DLG2: variants seen among roughly 807,000 people sequenced by gnomAD.
DLG2 encodes the protein discs large MAGUK scaffold protein 2, also known as disks large homolog 2.
DLG2 carries 45 observed loss-of-function variants against 132.5 expected under a neutral mutation model. The ratio of observed to expected loss-of-function variants is 0.34; its 90% CI spans 0.27 to 0.44. The LOEUF is 0.44. DLG2 is among the 20% of genes least tolerant of loss of function. The pLI, the probability that DLG2 is intolerant of heterozygous loss-of-function variation, is 1.00. For missense variants in DLG2, 1,045 were observed against 1,196.9 expected (o/e 0.87, Z 1.87); for synonymous variants, 424 against 419.6 (o/e 1.01, Z -0.13).
chr11:85,082,675 C>G (rs1210854821), intron 6 of DLG2, among the ~76,000 whole-genome samples: 1 of 145,182 alleles, frequency 6.9e-6, no homozygotes, highest in Non-Finnish European at 1.5e-5. Flanking sequence ...ATTAAAAAAA[C>G]AATTTTTTTG....
intron 18 of DLG2, among the ~76,000 whole-genome samples, chr11:83,712,108 T>A (rs775788251): frequency 5.3e-5 from 8 of 152,330 alleles, no homozygotes; most frequent in Non-Finnish European, 1.0e-4. Flanking sequence ...TAGTGATTCC[T>A]CAAAGACCTA....
At chr11:84,001,235 A>T (rs1371823808) in intron 11 of DLG2, among the ~76,000 whole-genome samples, 1 of 151,926 alleles carries the variant, frequency 6.6e-6, no homozygotes, top group African/African-American at 2.4e-5. Flanking sequence ...GACACAAAAT[A>T]AAGGGATGAA....
chr11:84,532,788 G>C (rs571162496), intron 7 of DLG2, among the ~76,000 whole-genome samples: 1 of 152,134 alleles, frequency 6.6e-6, no homozygotes, highest in Non-Finnish European at 1.5e-5. Flanking sequence ...GGGCCACTGT[G>C]CTTGATCTAT....
chr11:84,634,678 A>T (rs1405999974), intron 6 of DLG2, among the ~76,000 whole-genome samples: 1 of 152,240 alleles, frequency 6.6e-6, no homozygotes, highest in Non-Finnish European at 1.5e-5. Context: ...TTGCTCAATT[A>T]AACTTTGTTA....
chr11:83,748,841 C>G lies in DLG2; in HGVS notation c.1825+37849G>C, dbSNP rs372617991. Among the ~76,000 whole-genome samples, 11 of 152,316 alleles carry G rather than the reference C, an allele frequency of 7.2e-5. No individual in the cohort carries two copies. In the East Asian group the frequency reaches 2.1e-3, roughly 29 times the overall value. On this transcript the variant is annotated intron_variant, in intron 18 of 27. Coordinates refer to ENST00000376104, the MANE Select transcript of DLG2 (RefSeq NM_001142699.3). ...AAATCTCTACTACTTTGTTCCCCTC[C>G]ATTTCCCAGAAAAGCAGAAGTAGCA...
At chr11:83,909,985 AG>A (rs2075768253) in intron 15 of DLG2, among the ~76,000 whole-genome samples, 1 of 152,144 alleles carries the variant, frequency 6.6e-6, no homozygotes, top group Non-Finnish European at 1.5e-5. Context: ...TGCTATCTGA[AG>A]ATGTGGGAGA....
chr11:83,675,481 A>T (rs1319763031), intron 18 of DLG2, among the ~76,000 whole-genome samples: 1 of 152,264 alleles, frequency 6.6e-6, no homozygotes, highest in African/African-American at 2.4e-5. Context: ...GTTTAATCAG[A>T]AGTAAAAAGG....
At chr11:85,489,924 T>G (rs286521) in intron 3 of DLG2, among the ~76,000 whole-genome samples, 135,381 of 152,068 alleles carry the variant, frequency 0.89, 60,515 homozygotes, top group African/African-American at 0.91. Flanking sequence ...TTTTTTCTTG[T>G]CCAGGTGTGG....
At chr11:84,562,736 T>G (rs2099431236) in intron 6 of DLG2, among the ~76,000 whole-genome samples, 1 of 151,786 alleles carries the variant, frequency 6.6e-6, no homozygotes, top group Non-Finnish European at 1.5e-5. Flanking sequence ...TACCTCTTTT[T>G]CTTTCTTTCT....
intron 18 of DLG2, among the ~76,000 whole-genome samples, chr11:83,652,424 G>A (rs1433756074): frequency 1.3e-5 from 2 of 152,190 alleles, no homozygotes; most frequent in African/African-American, 4.8e-5. Flanking sequence ...AGGCTGGAGT[G>A]CAGTGGTGCA....
intron 3 of DLG2, among the ~76,000 whole-genome samples, chr11:85,466,920 T>C (rs989158844): frequency 3.9e-5 from 6 of 152,226 alleles, no homozygotes; most frequent in Non-Finnish European, 7.3e-5. Flanking sequence ...ATTTTCATGA[T>C]ATTGATTCTT....
chr11:84,155,228 G>T (rs554113608), intron 9 of DLG2, among the ~76,000 whole-genome samples: 40 of 152,212 alleles, frequency 2.6e-4, no homozygotes, highest in African/African-American at 9.4e-4. Context: ...TTCTGCACTG[G>T]GTTTCACCAG....
intron 15 of DLG2, among the ~76,000 whole-genome samples, chr11:83,889,132 T>C (rs2068872402): frequency 6.6e-6 from 1 of 152,080 alleles, no homozygotes; most frequent in African/African-American, 2.4e-5. Flanking sequence ...AAAGAGCTTC[T>C]GCACAGCAAA....
At chr11:84,303,329 T>C (rs1183520298) in intron 7 of DLG2, among the ~76,000 whole-genome samples, 2 of 152,124 alleles carry the variant, frequency 1.3e-5, no homozygotes, top group Non-Finnish European at 2.9e-5. Context: ...ACTGTAACAG[T>C]CAATGTTGAC....
intron 8 of DLG2, among the ~76,000 whole-genome samples, chr11:84,178,924 T>C (rs1042148754): frequency 3.9e-5 from 6 of 152,016 alleles, no homozygotes; most frequent in Non-Finnish European, 8.8e-5. Flanking sequence ...TTTTATCTTA[T>C]ATGTAGAGTT....
intron 19 of DLG2, among the ~76,000 whole-genome samples, chr11:83,589,252 T>G (rs2097146040): frequency 6.6e-6 from 1 of 151,452 alleles, no homozygotes; most frequent in Admixed American, 6.6e-5. Context: ...AAGGTCGGGT[T>G]ACCCTCAAAG....
At chr11:85,352,718 C>T (rs537950346) in intron 3 of DLG2, among the ~76,000 whole-genome samples, 2 of 151,990 alleles carry the variant, frequency 1.3e-5, no homozygotes, top group African/African-American at 2.4e-5. Context: ...ACAAACCTGA[C>T]AAAAACAAGA....
chr11:84,433,255 T>C (rs1453434062), intron 7 of DLG2, among the ~76,000 whole-genome samples: 1 of 152,200 alleles, frequency 6.6e-6, no homozygotes, highest in African/African-American at 2.4e-5. Flanking sequence ...AGCAATATAT[T>C]GCTGACGGGG....
At chr11:85,554,420 A>G (rs1399848481) in intron 3 of DLG2, among the ~76,000 whole-genome samples, 2 of 151,912 alleles carry the variant, frequency 1.3e-5, no homozygotes, top group Non-Finnish European at 2.9e-5. Context: ...AAAAAATATA[A>G]TTGAAATTGC....
Sources: gnomAD v4.1 joint callset for allele counts (sites outside exome capture counted in the v4.1 genomes callset) on GRCh38, gnomAD v4.1.1 for gene constraint, MANE v1.5 for transcripts, NCBI Gene and HGNC (gene_info 2026-07-23, HGNC 2026-07-21) for gene names.